ATXN1: variants seen among roughly 807,000 people sequenced by gnomAD.
The protein encoded by ATXN1 is ataxin-1.
In ATXN1, 8 loss-of-function variants were observed where a neutral mutation model predicts 56.4. The observed-to-expected ratio is 0.14, with a 90% CI of 0.08 to 0.26. The LOEUF (loss-of-function observed/expected upper bound fraction) is 0.26, where lower values mean the gene tolerates loss of function less well. ATXN1 is among the 10% of genes least tolerant of loss of function. The pLI is 1.00. For missense variants in ATXN1, 987 were observed against 1,106.5 expected (o/e 0.89, Z 1.53); for synonymous variants, 514 against 494.6 (o/e 1.04, Z -0.52).
chr6:16,645,459 G>A (rs1763784499), intron 3 of ATXN1, among the ~76,000 whole-genome samples: 1 of 152,192 alleles, frequency 6.6e-6, no homozygotes, highest in Non-Finnish European at 1.5e-5. Context: ...CTGTGTACTT[G>A]CTTAGCAACG....
chr6:16,503,296 C>G (rs1215739841), intron 5 of ATXN1, among the ~76,000 whole-genome samples: 2 of 152,168 alleles, frequency 1.3e-5, no homozygotes, highest in African/African-American at 4.8e-5. Flanking sequence ...GGTCTGACCT[C>G]CACCGAGCTG....
intron 6 of ATXN1, among the ~76,000 whole-genome samples, chr6:16,445,068 T>G (rs1040687992): frequency 6.6e-6 from 1 of 151,944 alleles, no homozygotes; most frequent in East Asian, 1.9e-4. Flanking sequence ...TGATACCGAG[T>G]AGTGTAAAAG....
At chr6:16,530,617 A>C (rs1761485116) in intron 4 of ATXN1, among the ~76,000 whole-genome samples, 1 of 152,210 alleles carries the variant, frequency 6.6e-6, no homozygotes, top group Non-Finnish European at 1.5e-5. Context: ...TGGAGGTGGG[A>C]GGACAAAGAA....
At chr6:16,756,039 T>C (rs1250070708) in intron 1 of ATXN1, among the ~76,000 whole-genome samples, 3 of 152,130 alleles carry the variant, frequency 2.0e-5, no homozygotes, top group Non-Finnish European at 2.9e-5. Context: ...TTTGGGATGG[T>C]AGTAATGCGT....
At chr6:16,640,861 G>A (rs1476611127) in intron 3 of ATXN1, among the ~76,000 whole-genome samples, 1 of 152,170 alleles carries the variant, frequency 6.6e-6, no homozygotes, top group African/African-American at 2.4e-5. Flanking sequence ...TCAAAAGCCA[G>A]GCTTCTTGTG....
At chr6:16,436,989 C>T (rs1033293631) in intron 6 of ATXN1, among the ~76,000 whole-genome samples, 4 of 152,110 alleles carry the variant, frequency 2.6e-5, no homozygotes, top group Admixed American at 6.5e-5. Context: ...TCAAGGACAA[C>T]GTCAACAACT....
intron 6 of ATXN1, among the ~76,000 whole-genome samples, chr6:16,446,566 G>A (rs1428065024): frequency 6.6e-6 from 1 of 152,210 alleles, no homozygotes; most frequent in African/African-American, 2.4e-5. Flanking sequence ...TTTACATACA[G>A]TATGCAGGTA....
chr6:16,651,537 C>G (rs9383197), intron 3 of ATXN1, among the ~76,000 whole-genome samples: 6,840 of 108,956 alleles, frequency 0.063, 200 homozygotes, highest in East Asian at 0.16. Flanking sequence ...GAGAGAGACT[C>G]TGTCTCAAAA....
chr6:16,662,129 G>C (rs1758332279), intron 2 of ATXN1, among the ~76,000 whole-genome samples: 1 of 152,198 alleles, frequency 6.6e-6, no homozygotes. Context: ...CTGTTCAACA[G>C]CACACATACA....
At chr6:16,424,498 G>T (rs1177172099) in intron 6 of ATXN1, among the ~76,000 whole-genome samples, 4 of 152,124 alleles carry the variant, frequency 2.6e-5, no homozygotes, top group Non-Finnish European at 5.9e-5. Flanking sequence ...TACATCCAGG[G>T]TTGCCCAGGG....
At chr6:16,575,648 T>C (rs1762407624) in intron 4 of ATXN1, among the ~76,000 whole-genome samples, 1 of 152,202 alleles carries the variant, frequency 6.6e-6, no homozygotes, top group Non-Finnish European at 1.5e-5. Flanking sequence ...TTGAGGGCCT[T>C]GTGTTAGGTG....
chr6:16,680,305 C>T (rs1758787880), intron 2 of ATXN1, among the ~76,000 whole-genome samples: 3 of 152,156 alleles, frequency 2.0e-5, no homozygotes. Flanking sequence ...ACAACATTTG[C>T]TTTCAGAAGC....
At chr6:16,360,109 T>C (rs1018985336) in intron 6 of ATXN1, among the ~76,000 whole-genome samples, 3 of 151,992 alleles carry the variant, frequency 2.0e-5, no homozygotes, top group African/African-American at 7.2e-5. Flanking sequence ...AATTAAGACA[T>C]CAATTATATT....
rs773267647 is a variant in ATXN1 at position 16,305,850 on chromosome 6, C to G, written c.*479G>C. 3 of 153,778 alleles carry G rather than the reference C, an allele frequency of 2.0e-5. No individual in the cohort carries two copies. Among genetic ancestry groups the G allele is most frequent in the South Asian group, 2.0e-4 (1 of 4,910 alleles). 9.5% of individuals were successfully genotyped at this position (153,778 alleles called of 1,614,324 possible). On this transcript the variant is annotated 3_prime_UTR_variant, in exon 8 of 8. Transcript: ENST00000436367. ...ACCCCAGGAGGACACTGCTCTGAAC[C>G]CCCCCGGCCCATGCCGATAGCAAGA...
chr6:16,532,495 T>C (rs1008222913), intron 4 of ATXN1, among the ~76,000 whole-genome samples: 6 of 152,128 alleles, frequency 3.9e-5, no homozygotes, highest in African/African-American at 1.4e-4. Context: ...TATCTAGGCA[T>C]GCAAGAAGAC....
In ATXN1 at chr6:16,709,935, A is replaced by G. The variant is rs1420785736; in HGVS notation, c.-615+43298T>C. ...AAAACCAATCAATATAATTCACCAC[A>G]TAAAGCGGAAAACCATATGACATCT... is the stretch of plus-strand genomic sequence containing the variant. On this transcript the variant is annotated intron_variant, in intron 2 of 7. Transcript: ENST00000436367. Among the ~76,000 whole-genome samples, 3 of 152,226 alleles carry G rather than the reference A, an allele frequency of 2.0e-5. No homozygotes were observed. In the East Asian group the frequency reaches 5.8e-4, roughly 29 times the overall value.
Position 16,584,249 on chromosome 6 carries a change from C to CATATATATATATATAT in ATXN1, c.-361+1530_-361+1531insATATATATATATATAT. 5.8e-5 allele frequency among the ~76,000 whole-genome samples: 4 copies of CATATATATATATATAT among 69,178 alleles called. 1 individual carries two copies. The South Asian group carries it at 3.0e-3, about 53-fold the overall frequency. The allele number at this position is 69,178 out of a possible 152,430, so 45.4% of individuals were successfully genotyped here. ...ATATATATATATATATATATACACA[C>CATATATATATATATAT]ACACACACACACACACACACACATA... On this transcript the variant is annotated intron_variant, in intron 4 of 7. Coordinates refer to ENST00000436367, the MANE Select transcript of ATXN1 (RefSeq NM_001128164.2).
chr6:16,630,977 G>A (rs1057269084), intron 3 of ATXN1, among the ~76,000 whole-genome samples: 1 of 152,156 alleles, frequency 6.6e-6, no homozygotes, highest in Non-Finnish European at 1.5e-5. Context: ...GGCTTATGAA[G>A]GACCCTTTCA....
intron 3 of ATXN1, among the ~76,000 whole-genome samples, chr6:16,616,974 G>A (rs186376020): frequency 4.1e-4 from 63 of 151,850 alleles, no homozygotes; most frequent in Non-Finnish European, 8.1e-4. Context: ...TTGATTATTA[G>A]TTATTGTTGT....
Sources: allele counts gnomAD v4.1 joint callset (sites outside exome capture counted in the v4.1 genomes callset), GRCh38; gene constraint gnomAD v4.1.1; transcripts MANE v1.5; gene names NCBI Gene and HGNC (gene_info 2026-07-23, HGNC 2026-07-21).